Variants in MYMX observed in about 807,000 individuals in gnomAD.
MYMX encodes protein myomixer.
At chr6:44,216,652 CA>C (rs547725984), upstream of MYMX, among the ~76,000 whole-genome samples, 1,627 of 117,196 alleles carry the variant, frequency 0.014, 11 homozygotes, top group African/African-American at 0.021. Context: ...AACTCTGTCT[CA>C]AAAAAAAAAA....
chr6:44,213,181 T>A (rs1163914949), upstream of MYMX, among the ~76,000 whole-genome samples: 1 of 151,744 alleles, frequency 6.6e-6, no homozygotes, highest in Non-Finnish European at 1.5e-5. Flanking sequence ...GTCAAGAGAT[T>A]AAGACCATTC....
chr6:44,207,982 C>T, the MYMX span, among the ~76,000 whole-genome samples: 2 of 152,146 alleles, frequency 1.3e-5, no homozygotes, highest in Non-Finnish European at 2.9e-5. Flanking sequence ...AATCCCAGCA[C>T]TTTGGGAGGG....
At chr6:44,209,901 G>A in the MYMX span, 1 of 145,896 alleles carries the variant, frequency 6.9e-6, no homozygotes, top group Non-Finnish European at 1.5e-5. Flanking sequence ...GACAGAGCAA[G>A]ACTCTGTGTC....
the MYMX span, among the ~76,000 whole-genome samples, chr6:44,206,374 C>T: frequency 1.4e-4 from 21 of 151,686 alleles, no homozygotes; most frequent in Non-Finnish European, 2.2e-4. Context: ...GGATTACAGG[C>T]GCCCGCCACA....
At chr6:44,206,843 A>T in the MYMX span, among the ~76,000 whole-genome samples, 1 of 152,118 alleles carries the variant, frequency 6.6e-6, no homozygotes, top group African/African-American at 2.4e-5. Context: ...GTTGGCTTGC[A>T]TCAGGCAGCC....
At chr6:44,198,681 T>C in the MYMX span, among the ~76,000 whole-genome samples, 1 of 151,952 alleles carries the variant, frequency 6.6e-6, no homozygotes, top group African/African-American at 2.4e-5. Context: ...AGTTTGACTT[T>C]ATACATTTAG....
the MYMX span, among the ~76,000 whole-genome samples, chr6:44,202,469 T>G: frequency 0.31 from 46,618 of 151,248 alleles, 8,018 homozygotes; most frequent in Middle Eastern, 0.46. Flanking sequence ...AACAGGAGAT[T>G]TGGTCAGTTT....
chr6:44,198,578 C>T, the MYMX span, among the ~76,000 whole-genome samples: 1 of 151,912 alleles, frequency 6.6e-6, no homozygotes, highest in Non-Finnish European at 1.5e-5. Context: ...GCAATCTCAG[C>T]TCACTGCAAA....
At chr6:44,192,817 A>G in the MYMX span, among the ~76,000 whole-genome samples, 2 of 152,084 alleles carry the variant, frequency 1.3e-5, no homozygotes, top group Non-Finnish European at 2.9e-5. Flanking sequence ...TCTGTCTTGT[A>G]ATTTCCTGTT....
chr6:44,211,922 C>T, the MYMX span, among the ~76,000 whole-genome samples: 53 of 151,884 alleles, frequency 3.5e-4, no homozygotes, highest in Admixed American at 2.3e-3. Flanking sequence ...TGGGATTACC[C>T]GTGAGAGCCA....
In MYMX at chr6:44,217,693, G is replaced by A. The variant is rs1775957231; in HGVS notation, c.222G>A (p.Leu74=). The part of the protein sequence containing the change: ...DAGEASRVDR[L]ERRERLGPQK The stretch of plus-strand genomic sequence containing the variant: ...GGGAGGCCTCAAGAGTGGACCGCCT[G>A]GAGAGGAGGGAGAGGTTAGGCCCCC... Residue 74 remains leucine, a synonymous_variant, in exon 2 of 2, where the codon CTG becomes CTA. Transcript: ENST00000573382. 3 of 401,014 alleles carry A rather than the reference G, an allele frequency of 7.5e-6. No individual in the cohort carries two copies. The South Asian group carries it at 3.8e-4, about 50-fold the overall frequency. 24.8% of individuals were successfully genotyped at this position (401,014 alleles called of 1,614,324 possible).
chr6:44,203,929 C>T, the MYMX span, among the ~76,000 whole-genome samples: 1 of 152,260 alleles, frequency 6.6e-6, no homozygotes, highest in Non-Finnish European at 1.5e-5. Flanking sequence ...CACACTGCAA[C>T]CTCTGCCTCC....
At chr6:44,213,278 C>T (rs925214332), upstream of MYMX, among the ~76,000 whole-genome samples, 2 of 150,376 alleles carry the variant, frequency 1.3e-5, no homozygotes, top group Admixed American at 6.6e-5. Flanking sequence ...CCCAGCTACT[C>T]GGGAGGCTGA....
chr6:44,200,141 C>T, the MYMX span, among the ~76,000 whole-genome samples: 1 of 151,582 alleles, frequency 6.6e-6, no homozygotes, highest in Non-Finnish European at 1.5e-5. Context: ...GCACTCCAGG[C>T]CTGGGAGACA....
At chr6:44,206,903 C>A in the MYMX span, among the ~76,000 whole-genome samples, 17 of 152,070 alleles carry the variant, frequency 1.1e-4, no homozygotes, top group South Asian at 2.1e-4. Context: ...AGTATTCTCT[C>A]CGTGTGGCCT....
chr6:44,214,698 G>C, upstream of MYMX, among the ~76,000 whole-genome samples: 1 of 152,146 alleles, frequency 6.6e-6, no homozygotes, highest in Non-Finnish European at 1.5e-5. Context: ...TCAGTCTCCT[G>C]AGTAGCTGGG....
the MYMX span, among the ~76,000 whole-genome samples, chr6:44,209,262 C>T: frequency 6.6e-6 from 1 of 152,284 alleles, no homozygotes; most frequent in Admixed American, 6.5e-5. Context: ...CCGTACCTGG[C>T]TTCGTGCTCT....
upstream of MYMX, among the ~76,000 whole-genome samples, chr6:44,216,333 GTTC>G (rs1286601368): frequency 6.6e-6 from 1 of 152,180 alleles, no homozygotes; most frequent in African/African-American, 2.4e-5. Context: ...AAGAGTCAAC[GTTC>G]TTAAGGAAAC....
chr6:44,216,372 G>A (rs892587298), upstream of MYMX, among the ~76,000 whole-genome samples: 1 of 151,800 alleles, frequency 6.6e-6, no homozygotes, highest in Non-Finnish European at 1.5e-5. Context: ...AGTCTGGGCT[G>A]GGCACGGTGG....
Sources: allele counts gnomAD v4.1 joint callset (sites outside exome capture counted in the v4.1 genomes callset), GRCh38; gene constraint gnomAD v4.1.1; transcripts MANE v1.5; gene names NCBI Gene and HGNC (gene_info 2026-07-23, HGNC 2026-07-21).